The following CDH19 variants were observed in gnomAD, a reference collection of about 807,000 sequenced individuals.
CDH19 encodes cadherin-19.
In CDH19, 67 loss-of-function variants were observed where a neutral mutation model predicts 64.2. The ratio of observed to expected loss-of-function variants is 1.04; its 90% CI spans 0.86 to 1.28. The LOEUF is 1.28. Ranked by LOEUF, CDH19 falls within the 50% of genes most tolerant of loss-of-function variation. The probability of loss-of-function intolerance (pLI) is 0.00; values close to 1 mark genes in which losing one functional copy is unlikely to be tolerated. For synonymous variants in CDH19, 346 were observed against 319.3 expected, an observed-to-expected ratio of 1.08 and a Z score of -0.89; for missense variants, 1,030 against 929.0, an observed-to-expected ratio of 1.11 and a Z score of -1.41.
chr18:66,524,266 G>T (rs1013282324), intron 9 of CDH19, among the ~76,000 whole-genome samples: 1 of 151,620 alleles, frequency 6.6e-6, no homozygotes. Context: ...CAATTATTGC[G>T]CTGCTGCTTT....
At chr18:66,520,176 C>T (rs1985918172) in intron 9 of CDH19, among the ~76,000 whole-genome samples, 1 of 152,008 alleles carries the variant, frequency 6.6e-6, no homozygotes, top group South Asian at 2.1e-4. Context: ...CACAGCCAGA[C>T]TCTGTCTCAA....
chr18:66,554,629 G>GA lies in CDH19; in HGVS notation c.491-106dup, dbSNP rs1177912329. 1.8e-5 allele frequency: 16 copies of GA among 888,698 alleles called. No individual in the cohort carries two copies. The Admixed American group carries it at 4.0e-4, about 22-fold the overall frequency. The allele number at this position is 888,698 out of a possible 1,614,324, so 55.1% of individuals were successfully genotyped here. A position where few individuals can be genotyped will look rare whatever the true frequency, so the allele number is the denominator to read the frequency against. On this transcript the variant is annotated intron_variant, in intron 3 of 11. Coordinates refer to ENST00000262150, the MANE Select transcript of CDH19 (RefSeq NM_021153.4). ...ACCAAGCAAGATGTTGTTACAAAAT[G>GA]AAAGCTCAATTCACCTCCTTGTTCT...
rs1238936973 is a variant in CDH19, at chr18:66,502,551, C to G, written c.*2261G>C. 2 of 151,792 alleles carry G rather than the reference C, an allele frequency of 1.3e-5. No homozygotes were observed. The highest frequency in any genetic ancestry group is 2.9e-5 in the Non-Finnish European group (2 of 67,866). 9.4% of individuals were successfully genotyped at this position (151,792 alleles called of 1,614,324 possible). On this transcript the variant is annotated 3_prime_UTR_variant, in exon 12 of 12. Coordinates refer to ENST00000262150, the MANE Select transcript of CDH19 (RefSeq NM_021153.4). Reference sequence around the variant, plus strand: ...ATTCTTCCATCTGTTGTTTATCATACTTTTTAGTTTTCTACTAAGATTACC... The same window carrying G: ...ATTCTTCCATCTGTTGTTTATCATAGTTTTTAGTTTTCTACTAAGATTACC...
At chr18:66,522,316 C>T (rs1337451690) in intron 9 of CDH19, among the ~76,000 whole-genome samples, 1 of 151,822 alleles carries the variant, frequency 6.6e-6, no homozygotes, top group Non-Finnish European at 1.5e-5. Context: ...GATGTTGGCT[C>T]ACTGCAACCT....
chr18:66,538,602 G>GAC lies in CDH19; in HGVS notation c.1215-3496_1215-3495insGT, dbSNP rs1315601027. Among the ~76,000 whole-genome samples, 852 of 152,172 alleles carry GAC rather than the reference G, an allele frequency of 5.6e-3. 11 individuals are homozygous for GAC. Among genetic ancestry groups the GAC allele is most frequent in the African/African-American group, 0.019 (796 of 41,538 alleles). The stretch of plus-strand genomic sequence containing the variant: ...AAGCTGCCATAAATGCTTGCATACA[G>GAC]GTTTTCATGTCAAAATAAATACACT... On this transcript the variant is annotated intron_variant, in intron 7 of 11. Coordinates refer to ENST00000262150, the MANE Select transcript of CDH19 (RefSeq NM_021153.4).
chr18:66,520,435 T>A (rs2144379526), intron 9 of CDH19, among the ~76,000 whole-genome samples: 1 of 149,468 alleles, frequency 6.7e-6, no homozygotes, highest in African/African-American at 2.4e-5. Context: ...AGTTACCAAT[T>A]ATTTTTGGAG....
Position 66,544,084 on chromosome 18 carries a change from A to G in CDH19, c.1101T>C (p.Pro367=), listed in dbSNP as rs894502078. 4 of 1,613,964 alleles carry G rather than the reference A, an allele frequency of 2.5e-6. No homozygotes were observed. The highest frequency in any genetic ancestry group is 3.4e-6 in the Non-Finnish European group (4 of 1,179,900). Residue 367 remains proline, a synonymous_variant, in exon 7 of 12, where the codon CCT becomes CCC. Transcript: ENST00000262150. ...CATAATATGGAAGGAGGAAAAGAGG[A>G]GGCTCATCAACATCTTCCACCTGGA... ...IKIQVEDVDE[P]PLFLLPYYVF...
intron 1 of CDH19, among the ~76,000 whole-genome samples, chr18:66,597,484 A>G (rs2144642981): frequency 6.6e-6 from 1 of 152,284 alleles, no homozygotes; most frequent in Middle Eastern, 3.4e-3. Context: ...TGTAAATCCT[A>G]CAACTATAAA....
chr18:66,586,447 C>T (rs1988580613), intron 1 of CDH19, among the ~76,000 whole-genome samples: 1 of 151,860 alleles, frequency 6.6e-6, no homozygotes, highest in Non-Finnish European at 1.5e-5. Context: ...CAAATAGGAA[C>T]ACATGGCTCT....
chr18:66,589,556 T>A (rs1484575240), intron 1 of CDH19, among the ~76,000 whole-genome samples: 1 of 151,926 alleles, frequency 6.6e-6, no homozygotes, highest in Non-Finnish European at 1.5e-5. Context: ...TCTCCAATTA[T>A]CAGTTGTCCT....
chr18:66,586,609 C>T (rs994110437), intron 1 of CDH19, among the ~76,000 whole-genome samples: 8 of 151,778 alleles, frequency 5.3e-5, no homozygotes, highest in African/African-American at 1.9e-4. Flanking sequence ...CCAAAAGCAC[C>T]TCTGTAGTAC....
intron 3 of CDH19, among the ~76,000 whole-genome samples, chr18:66,567,524 A>T (rs979593466): frequency 1.3e-5 from 2 of 151,898 alleles, no homozygotes; most frequent in Non-Finnish European, 2.9e-5. Flanking sequence ...TGTTCCAAAC[A>T]ATGTAGAAAT....
At chr18:66,536,153 T>C (rs1986661475) in intron 7 of CDH19, among the ~76,000 whole-genome samples, 2 of 151,424 alleles carry the variant, frequency 1.3e-5, no homozygotes, top group South Asian at 2.1e-4. Context: ...ATAACTAGGG[T>C]TCAATAATGG....
At chr18:66,556,002 C>T (rs1227929716) in intron 3 of CDH19, among the ~76,000 whole-genome samples, 4 of 151,532 alleles carry the variant, frequency 2.6e-5, no homozygotes, top group Non-Finnish European at 5.9e-5. Flanking sequence ...TCTTTAGAGC[C>T]CCTAAGCTAG....
chr18:66,544,370 T>C (rs752637067), intron 6 of CDH19, 146 bp from the exon 7 acceptor site: 14 of 675,734 alleles, frequency 2.1e-5, no homozygotes, highest in Non-Finnish European at 3.1e-5. Flanking sequence ...TCTGATATAA[T>C]TGTTAATCAG....
intron 1 of CDH19, among the ~76,000 whole-genome samples, chr18:66,603,017 T>C (rs1388121547): frequency 1.3e-5 from 2 of 151,098 alleles, no homozygotes; most frequent in African/African-American, 4.8e-5. Flanking sequence ...TATTACTAAA[T>C]TTTCAAATAT....
At chr18:66,583,253 T>C (rs959514155) in intron 1 of CDH19, among the ~76,000 whole-genome samples, 1 of 152,036 alleles carries the variant, frequency 6.6e-6, no homozygotes, top group East Asian at 1.9e-4. Flanking sequence ...TTAAAAAACA[T>C]AGTGACAGGA....
intron 1 of CDH19, among the ~76,000 whole-genome samples, chr18:66,584,391 A>G (rs1425612969): frequency 6.6e-6 from 1 of 152,082 alleles, no homozygotes; most frequent in Non-Finnish European, 1.5e-5. Flanking sequence ...ACTGTCGGTG[A>G]GAGTATAAAT....
At chr18:66,532,178 G>A (rs545827327) in intron 8 of CDH19, among the ~76,000 whole-genome samples, 2 of 151,938 alleles carry the variant, frequency 1.3e-5, no homozygotes, top group South Asian at 2.1e-4. Context: ...TGTTGGCAAC[G>A]GTGATCACAA....
Sources: allele counts gnomAD v4.1 joint callset (sites outside exome capture counted in the v4.1 genomes callset), GRCh38; gene constraint gnomAD v4.1.1; transcripts MANE v1.5; gene names NCBI Gene and HGNC (gene_info 2026-07-23, HGNC 2026-07-21).